The following GHR variants were observed in gnomAD, a reference collection of about 807,000 sequenced individuals.
The protein encoded by GHR is GH receptor.
GHR carries 35 observed loss-of-function variants against 67.1 expected under a neutral mutation model. The ratio of observed to expected loss-of-function variants is 0.52; its 90% confidence interval spans 0.40 to 0.69. The LOEUF (loss-of-function observed/expected upper bound fraction) is 0.69. GHR is among the 30% of genes least tolerant of loss of function. GHR has a pLI of 0.00. For synonymous variants in GHR, 272 were observed against 269.1 expected (o/e 1.01, Z -0.10); for missense variants, 792 against 764.6 (o/e 1.04, Z -0.42).
intron 1 of GHR, among the ~76,000 whole-genome samples, chr5:42,447,694 TCC>T (rs1743867575): frequency 1.2e-5 from 1 of 83,542 alleles, no homozygotes; most frequent in African/African-American, 4.7e-5. Flanking sequence ...CCTCCCTCCC[TCC>T]CTCTATCTCT....
intron 1 of GHR, among the ~76,000 whole-genome samples, chr5:42,518,970 A>G (rs28943875): frequency 0.019 from 2,906 of 152,298 alleles, 160 homozygotes; most frequent in East Asian, 0.13. Context: ...ATCTGGAAAG[A>G]GTCGCTAATC....
intron 1 of GHR, among the ~76,000 whole-genome samples, chr5:42,550,796 G>A (rs888034944): frequency 6.6e-6 from 1 of 152,100 alleles, no homozygotes; most frequent in African/African-American, 2.4e-5. Context: ...GTGTTTATTT[G>A]GCATAGCAGC....
intron 3 of GHR, among the ~76,000 whole-genome samples, chr5:42,640,465 G>GCTC: frequency 6.6e-6 from 1 of 152,226 alleles, no homozygotes; most frequent in East Asian, 1.9e-4. Flanking sequence ...TGCTGCTGCT[G>GCTC]TTACTACTAC....
intron 2 of GHR, among the ~76,000 whole-genome samples, chr5:42,612,948 A>G (rs1439775332): frequency 6.6e-6 from 1 of 152,070 alleles, no homozygotes; most frequent in Non-Finnish European, 1.5e-5. Flanking sequence ...TAAATTGGGG[A>G]TGTAGAACTC....
Position 42,640,156 on chromosome 5 carries a change from G to A in GHR, c.136+11053G>A, listed in dbSNP as rs114276724. ...AGAAGGTCCTGCAAAAGTCTTGTGG[G>A]TATTTATTCTTATCAGTGGTTGTGG... is the stretch of plus-strand genomic sequence containing the variant. On this transcript the variant is annotated intron_variant, in intron 3 of 9. Transcript: ENST00000230882. Among the ~76,000 whole-genome samples the A allele has an allele frequency of 2.5e-3, 380 of 152,222 alleles. 1 individual carries two copies. The highest frequency in any genetic ancestry group is 8.5e-3 in the African/African-American group (354 of 41,526).
At chr5:42,667,637 A>G (rs1756057430) in intron 3 of GHR, among the ~76,000 whole-genome samples, 1 of 152,172 alleles carries the variant, frequency 6.6e-6, no homozygotes, top group Admixed American at 6.6e-5. Flanking sequence ...CACTGGTCCA[A>G]TTAGAAGGAG....
intron 1 of GHR, among the ~76,000 whole-genome samples, chr5:42,479,827 A>C (rs1287680723): frequency 2.0e-5 from 3 of 152,062 alleles, no homozygotes; most frequent in Non-Finnish European, 2.9e-5. Context: ...TGATCTTTTC[A>C]AAAAACCAGC....
At chr5:42,647,551 G>A (rs1754800462) in intron 3 of GHR, 1 of 365,466 alleles carries the variant, frequency 2.7e-6, no homozygotes, top group Admixed American at 3.6e-5. Context: ...TCCAGCCTGG[G>A]CGACAGAGCA....
At chr5:42,618,221 G>C (rs901100908) in intron 2 of GHR, among the ~76,000 whole-genome samples, 1 of 152,068 alleles carries the variant, frequency 6.6e-6, no homozygotes, top group Non-Finnish European at 1.5e-5. Context: ...CTGCAAAATA[G>C]TTTCTGGAAC....
intron 3 of GHR, among the ~76,000 whole-genome samples, chr5:42,663,540 A>T (rs1755777377): frequency 6.6e-6 from 1 of 150,838 alleles, no homozygotes; most frequent in Non-Finnish European, 1.5e-5. Flanking sequence ...GACAAAATTC[A>T]ACAACACTTC....
At chr5:42,557,911 C>A (rs370757679) in intron 1 of GHR, among the ~76,000 whole-genome samples, 1 of 152,144 alleles carries the variant, frequency 6.6e-6, no homozygotes, top group African/African-American at 2.4e-5. Context: ...TCACATGAAG[C>A]CTAGATAGCA....
chr5:42,445,104 T>A (rs575394525), intron 1 of GHR, among the ~76,000 whole-genome samples: 1 of 152,346 alleles, frequency 6.6e-6, no homozygotes, highest in South Asian at 2.1e-4. Context: ...ATTTTTAAAT[T>A]TCATCGAAGA....
In GHR at chr5:42,719,017, G is replaced by T. The variant is rs1046037786; in HGVS notation, c.1510G>T (p.Gly504Cys). Residue 504 changes from glycine to cysteine, a missense_variant, in exon 10 of 10, where the codon GGC (glycine) becomes TGC (cysteine). Physicochemically the swap from Gly to Cys is radical, Grantham distance 159 (BLOSUM62 -3). Transcript: ENST00000230882. ...TPAGSVVLSP[G>C]QKNKAGMSQC... ...AGCAGGTAGTGTGGTCCTTTCCCCG[G>T]GCCAAAAGAATAAGGCAGGGATGTC... is the stretch of plus-strand genomic sequence containing the variant. 4 of 1,606,464 alleles carry T rather than the reference G, an allele frequency of 2.5e-6. No individual in the cohort carries two copies. The highest frequency in any genetic ancestry group is 2.7e-5 in the African/African-American group (2 of 74,650).
At chr5:42,574,028 G>C (rs1211328729) in intron 2 of GHR, among the ~76,000 whole-genome samples, 1 of 152,182 alleles carries the variant, frequency 6.6e-6, no homozygotes, top group Non-Finnish European at 1.5e-5. Context: ...AAAAATGAGA[G>C]GTCATTTTTC....
intron 3 of GHR, among the ~76,000 whole-genome samples, chr5:42,648,705 T>C (rs1185780895): frequency 1.3e-5 from 2 of 150,880 alleles, no homozygotes; most frequent in African/African-American, 2.4e-5. Context: ...GTAGTAGTAG[T>C]AGTAGTAGTG....
intron 8 of GHR, 60 bp from the exon 9 acceptor site, chr5:42,717,992 C>A: frequency 3.7e-6 from 3 of 805,812 alleles, no homozygotes; most frequent in Non-Finnish European, 4.5e-6. Flanking sequence ...CTATCTTTTG[C>A]TATAATTGAG....
intron 3 of GHR, among the ~76,000 whole-genome samples, chr5:42,633,215 C>A (rs1237266377): frequency 6.6e-6 from 1 of 152,104 alleles, no homozygotes; most frequent in Middle Eastern, 3.2e-3. Context: ...TGATTGATAG[C>A]ATTTTTACCT....
At chr5:42,573,917 G>A (rs1457702170) in intron 2 of GHR, among the ~76,000 whole-genome samples, 1 of 150,780 alleles carries the variant, frequency 6.6e-6, no homozygotes. Flanking sequence ...TTGACTACTG[G>A]ATAACCATGT....
Position 42,627,383 on chromosome 5 carries a change from T to C in GHR, c.71-1655T>C, listed in dbSNP as rs1243106889. ...CCAGGTTTTCATTTGCTGTGATTTG[T>C]GTGAGTTCTTTTTAGAGGTTAGGTG... On this transcript the variant is annotated intron_variant, in intron 2 of 9. Coordinates refer to ENST00000230882, the MANE Select transcript of GHR (RefSeq NM_000163.5). 2.6e-5 allele frequency among the ~76,000 whole-genome samples: 4 copies of C among 152,212 alleles called. 1 individual carries two copies. The highest frequency in any genetic ancestry group is 2.6e-4 in the Admixed American group (4 of 15,280).
Sources: gnomAD v4.1 joint callset for allele counts (sites outside exome capture counted in the v4.1 genomes callset) on GRCh38, gnomAD v4.1.1 for gene constraint, MANE v1.5 for transcripts, NCBI Gene and HGNC (gene_info 2026-07-23, HGNC 2026-07-21) for gene names.